Variants in UPF1 observed in about 807,000 individuals in gnomAD.
UPF1 encodes regulator of nonsense transcripts 1.
In UPF1, 9 loss-of-function variants were observed where a neutral mutation model predicts 129.2. The observed-to-expected ratio is 0.07, with a 90% CI of 0.04 to 0.12. The LOEUF (loss-of-function observed/expected upper bound fraction) is 0.12. UPF1 is among the 10% of genes least tolerant of loss of function. The pLI, the probability that UPF1 is intolerant of heterozygous loss-of-function variation, is 1.00. For missense variants in UPF1, 788 were observed against 1,525.3 expected (o/e 0.52, Z 8.05); for synonymous variants, 649 against 644.9 (o/e 1.01, Z -0.10).
intron 6 of UPF1, among the ~76,000 whole-genome samples, chr19:18,852,545 G>A (rs1047909010): frequency 6.6e-6 from 1 of 152,198 alleles, no homozygotes; most frequent in Non-Finnish European, 1.5e-5. Flanking sequence ...GGGGTCCACA[G>A]CTTTGCCCAC....
chr19:18,850,682 CT>C lies in UPF1; in HGVS notation c.630-5del, dbSNP rs752402146. On this transcript the variant is annotated splice_region_variant and splice_polypyrimidine_tract_variant and intron_variant, in intron 4 of 23. Coordinates refer to ENST00000262803, the MANE Select transcript of UPF1 (RefSeq NM_002911.4). The surrounding 1 kb of genome is among the most constrained non-coding windows in gnomAD (Gnocchi z 7.1). ...CTGGTCCTCACGGCCCCCTCCCGCT[CT>C]GCAGGCAGCCCTGTGCCAGCCAGAG... is the stretch of plus-strand genomic sequence containing the variant. 12 of 1,570,266 alleles carry C rather than the reference CT, an allele frequency of 7.6e-6. 1 individual carries two copies. The highest frequency in any genetic ancestry group is 4.6e-5 in the East Asian group (2 of 43,894).
Position 18,862,132 on chromosome 19 carries a change from C to T in UPF1, c.2580C>T (p.Asn860=), listed in dbSNP as rs75412111. The change falls in exon 18 of 24, where the codon AAC becomes AAT. Residue 860 remains asparagine, a synonymous_variant. Coordinates refer to ENST00000262803, the MANE Select transcript of UPF1 (RefSeq NM_002911.4). ...IGFLNDPRRL[N]VALTRARYGV... is the part of the protein sequence containing the mutation. ...TTTTAAATGACCCCAGGCGTCTGAA[C>T]GTGGCCCTGACCAGAGCAAGGTAGG... 1.4e-3 allele frequency: 2,180 copies of T among 1,613,950 alleles called. 23 individuals carry two copies. The African/African-American group carries it at 0.026, about 19-fold the overall frequency.
chr19:18,851,074 C>T lies in UPF1; in HGVS notation c.810+206C>T. 1 of 518,090 alleles carries T rather than the reference C, an allele frequency of 1.9e-6. No homozygotes were observed. Among genetic ancestry groups the T allele is most frequent in the Non-Finnish European group, 3.2e-6 (1 of 314,538 alleles). 32.1% of individuals were successfully genotyped at this position (518,090 alleles called of 1,614,324 possible). ...GGCAGCCTTACCTGACCGAGAAGAT[C>T]CTGGCCTTGGGGAAAGGAAAGCTCT... On this transcript the variant is annotated intron_variant, in intron 5 of 23. Coordinates refer to ENST00000262803, the MANE Select transcript of UPF1 (RefSeq NM_002911.4). This position sits in a 1 kb window ranked among gnomAD's most constrained non-coding sequence, Gnocchi z 4.2.
intron 1 of UPF1, among the ~76,000 whole-genome samples, chr19:18,837,908 C>T (rs1412853401): frequency 6.6e-6 from 1 of 152,230 alleles, no homozygotes; most frequent in Non-Finnish European, 1.5e-5. Context: ...GCTAAAGCTC[C>T]TAGCCGACCT....
rs953581572 is a variant in UPF1, at chr19:18,851,554, C to T, written c.811-581C>T. Among the ~76,000 whole-genome samples, 4 of 149,212 alleles carry T rather than the reference C, an allele frequency of 2.7e-5. No homozygotes were observed. The highest frequency in any genetic ancestry group is 4.4e-5 in the Non-Finnish European group (3 of 68,032). ...CCGGTTGCCAGATGATTTCATGATT[C>T]CCGTTTATATCTGAACAGCCCAGAA... On this transcript the variant is annotated intron_variant, in intron 5 of 23. Transcript: ENST00000262803. This position sits in a 1 kb window ranked among gnomAD's most constrained non-coding sequence, Gnocchi z 4.2.
chr19:18,857,029 CCTCCCCTG>C lies in UPF1; in HGVS notation c.1968+11_1968+18del, dbSNP rs1418452803. ...TCCTCGGGGCCAAGCAGGTGGGCTG[CCTCCCCTG>C]CCCTCCTGTGTGAAAACTCGTGTGT... On this transcript the variant is annotated intron_variant, in intron 14 of 23. Transcript: ENST00000262803. 1.3e-6 allele frequency: 2 copies of C among 1,599,976 alleles called. No individual in the cohort carries two copies. Among genetic ancestry groups the C allele is most frequent in the African/African-American group, 2.7e-5 (2 of 74,334 alleles).
Position 18,850,545 on chromosome 19 carries a change from C to A in UPF1, c.630-143C>A. 2.1e-6 allele frequency: 2 copies of A among 956,418 alleles called. No individual in the cohort carries two copies. Among genetic ancestry groups the A allele is most frequent in the Non-Finnish European group, 3.0e-6 (2 of 673,260 alleles). 59.2% of individuals were successfully genotyped at this position (956,418 alleles called of 1,614,324 possible). On this transcript the variant is annotated intron_variant, in intron 4 of 23. Transcript: ENST00000262803. This position sits in a 1 kb window ranked among gnomAD's most constrained non-coding sequence, Gnocchi z 7.1. The stretch of plus-strand genomic sequence containing the variant: ...GTGCACAGGGAGATGCGATTTATTA[C>A]TAACAGTTTGAAGGTAATGTGATCA...
In UPF1 at chr19:18,865,593, G is replaced by A. The variant is rs748251529; in HGVS notation, c.3052G>A (p.Gly1018Arg). 2.5e-6 allele frequency: 4 copies of A among 1,613,898 alleles called. No individual in the cohort carries two copies. The Admixed American group carries it at 6.7e-5, about 27-fold the overall frequency. ...RGTPKGKTGR[G>R]GRQKNRFGLP... ...CACCCCGAAAGGCAAGACTGGTCGT[G>A]GGGGACGCCAGAAGAACCGCTTTGG... The change falls in exon 22 of 24, where the codon GGG (glycine) becomes AGG (arginine). Residue 1018 changes from glycine to arginine, a missense_variant. Physicochemically the swap from Gly to Arg is moderately radical, Grantham distance 125. This residue lies in a region of UPF1 where 218 missense variants were observed against 318.1 expected (regional missense o/e 0.69). Transcript: ENST00000262803. The surrounding 1 kb of genome is among the most constrained non-coding windows in gnomAD (Gnocchi z 6.1).
intron 1 of UPF1, among the ~76,000 whole-genome samples, chr19:18,836,620 A>G (rs1384003061): frequency 6.6e-6 from 1 of 152,060 alleles, no homozygotes; most frequent in Non-Finnish European, 1.5e-5. Context: ...TGATAGTTTT[A>G]TGGGTGTTTA....
At chr19:18,834,009 A>AAGGG (rs1351365107) in intron 1 of UPF1, among the ~76,000 whole-genome samples, 1 of 152,066 alleles carries the variant, frequency 6.6e-6, no homozygotes, top group South Asian at 2.1e-4. Context: ...ACATTTTGCG[A>AAGGG]AGGGAGGGAG....
chr19:18,848,142 G>A, intron 3 of UPF1: 1 of 326,550 alleles, frequency 3.1e-6, no homozygotes, highest in Non-Finnish European at 5.9e-6. Context: ...TCATTAACGG[G>A]AGGATGTTCC....
At position 18,832,296 on chromosome 19, in the gene UPF1, G is replaced by A; in HGVS notation, c.87G>A (p.Gln29=). Residue 29 remains glutamine (Q), a synonymous_variant, in exon 1 of 24, where the codon CAG becomes CAA. Coordinates refer to ENST00000262803, the MANE Select transcript of UPF1 (RefSeq NM_002911.4). The surrounding 1 kb of genome is among the most constrained non-coding windows in gnomAD (Gnocchi z 5.6). ...EEAELLGADT[Q]GSEFEFTDFT... ...CCGAGCTGCTTGGCGCCGACACACAGGGCTCCGAGTTCGAGTTCACCGACT... is the reference window on the plus strand; with the variant it reads ...CCGAGCTGCTTGGCGCCGACACACAAGGCTCCGAGTTCGAGTTCACCGACT... 2.6e-6 allele frequency: 4 copies of A among 1,538,624 alleles called. No individual in the cohort carries two copies. Among genetic ancestry groups the A allele is most frequent in the Non-Finnish European group, 3.5e-6 (4 of 1,141,044 alleles).
At chr19:18,837,623 T>C (rs2055497195) in intron 1 of UPF1, among the ~76,000 whole-genome samples, 1 of 152,234 alleles carries the variant, frequency 6.6e-6, no homozygotes, top group South Asian at 2.1e-4. Context: ...CCTGAAAGTA[T>C]GAGGTCTGTG....
chr19:18,854,482 G>A (rs2055693793), intron 8 of UPF1, 119 bp from the exon 9 acceptor site: 1 of 749,158 alleles, frequency 1.3e-6, no homozygotes, highest in Non-Finnish European at 2.2e-6. Flanking sequence ...TTGGTGCAGA[G>A]CCAGCGGTGT....
chr19:18,841,244 C>G (rs2055538123), intron 1 of UPF1, among the ~76,000 whole-genome samples: 1 of 151,716 alleles, frequency 6.6e-6, no homozygotes, highest in Non-Finnish European at 1.5e-5. Flanking sequence ...TCCCTGTTTT[C>G]TTTTTTTTTC....
At chr19:18,856,132 T>A in intron 12 of UPF1, 43 bp downstream of exon 12, 1 of 1,608,018 alleles carries the variant, frequency 6.2e-7, no homozygotes, top group Non-Finnish European at 8.5e-7. Flanking sequence ...CCTGAGCTTC[T>A]GCGGGTGACA....
intron 17 of UPF1, among the ~76,000 whole-genome samples, chr19:18,861,701 T>C (rs1172295516): frequency 1.3e-5 from 2 of 152,068 alleles, no homozygotes; most frequent in Non-Finnish European, 2.9e-5. Context: ...TATGGTGGCA[T>C]GTGTCTATGG....
chr19:18,845,803 G>A (rs113571089), intron 1 of UPF1, among the ~76,000 whole-genome samples, 177 bp from the exon 2 acceptor site: 117 of 152,278 alleles, frequency 7.7e-4, no homozygotes, highest in African/African-American at 2.7e-3. Flanking sequence ...GCCACCAGTG[G>A]CCCTTTTTTG....
At chr19:18,854,844 C>T in intron 9 of UPF1, 35 bp from the exon 10 acceptor site, 1 of 1,612,210 alleles carries the variant, frequency 6.2e-7, no homozygotes, top group South Asian at 1.1e-5. Context: ...GCGGCCACAG[C>T]TGTGCGTGTC....
Sources: allele counts gnomAD v4.1 joint callset (sites outside exome capture counted in the v4.1 genomes callset), GRCh38; gene constraint gnomAD v4.1.1; regional missense constraint gnomAD v4.1.1; non-coding constraint Gnocchi (gnomAD v3.1); transcripts MANE v1.5; gene names NCBI Gene and HGNC (gene_info 2026-07-23, HGNC 2026-07-21).